The following GALNT18 variants were observed in gnomAD, a reference collection of about 807,000 sequenced individuals.
GALNT18 encodes the protein polypeptide N-acetylgalactosaminyltransferase 18, also known as GalNAc-transferase 18.
A neutral mutation model predicts 69.5 loss-of-function variants in GALNT18; 44 were observed. The observed-to-expected ratio is 0.63, with a 90% CI of 0.50 to 0.81. GALNT18 has a LOEUF of 0.81. Among genes scored for constraint, GALNT18 ranks in the 40% least tolerant of loss-of-function variants. The pLI, the probability that GALNT18 is intolerant of heterozygous loss-of-function variation, is 0.00. For synonymous variants in GALNT18, 364 were observed against 318.2 expected, an observed-to-expected ratio of 1.14 and a Z score of -1.53; for missense variants, 715 against 810.0, an observed-to-expected ratio of 0.88 and a Z score of 1.42.
Position 11,435,979 on chromosome 11 carries a change from C to T in GALNT18, c.429-3192G>A, listed in dbSNP as rs569786388. Among the ~76,000 whole-genome samples the T allele has an allele frequency of 2.0e-4, 31 of 152,336 alleles. No individual in the cohort carries two copies. The highest frequency in any genetic ancestry group is 1.3e-3 in the East Asian group (7 of 5,186). On this transcript the variant is annotated intron_variant, in intron 2 of 10. Coordinates refer to ENST00000227756, the MANE Select transcript of GALNT18 (RefSeq NM_198516.3). The surrounding 1 kb of genome is among the most constrained non-coding windows in gnomAD (Gnocchi z 4.4). ...TCCTGGGACTGCTGGGGCCTCCTGG[C>T]GACAGCCATGCTGCCGCTGTGGCCT...
At chr11:11,272,817 G>A (rs1460985249) in intron 10 of GALNT18, among the ~76,000 whole-genome samples, 2 of 152,128 alleles carry the variant, frequency 1.3e-5, no homozygotes, top group Non-Finnish European at 2.9e-5. Flanking sequence ...AGCTCACAGT[G>A]GGAAGTGCAC....
chr11:11,490,956 T>C lies in GALNT18; in HGVS notation c.236-42020A>G, dbSNP rs570495852. Among the ~76,000 whole-genome samples the C allele has an allele frequency of 1.1e-4, 16 of 152,286 alleles. 1 individual carries two copies. The South Asian group carries it at 2.1e-3, about 20-fold the overall frequency. On this transcript the variant is annotated intron_variant, in intron 1 of 10. Coordinates refer to ENST00000227756, the MANE Select transcript of GALNT18 (RefSeq NM_198516.3). ...GACCTGAAAGTCCAGTACCCAAAGG[T>C]GGGCTCTGGAAGATAGTGGAGGTGT...
intron 9 of GALNT18, among the ~76,000 whole-genome samples, chr11:11,310,708 G>A (rs1226341425): frequency 6.6e-6 from 1 of 152,150 alleles, no homozygotes; most frequent in Non-Finnish European, 1.5e-5. Flanking sequence ...TTAAGACAGT[G>A]CTAACCTCAA....
intron 10 of GALNT18, among the ~76,000 whole-genome samples, chr11:11,286,604 G>C (rs1346936077): frequency 1.3e-5 from 2 of 152,052 alleles, no homozygotes; most frequent in African/African-American, 2.4e-5. Flanking sequence ...ACACAGGGGG[G>C]ACTTTGGTTA....
Position 11,340,926 on chromosome 11 carries a change from T to C in GALNT18, c.1171A>G (p.Thr391Ala), listed in dbSNP as rs1179280314. Reference sequence around the variant, plus strand: ...CGGACATGGGCGGTGAGGTCCTCTGTGTAGGGCTTGTGGGCTCGCTCAATG... The same window carrying C: ...CGGACATGGGCGGTGAGGTCCTCTGCGTAGGGCTTGTGGGCTCGCTCAATG... The part of the protein sequence containing the change: ...AHIERAHKPY[T>A]EDLTAHVRRN... Residue 391 changes from threonine to alanine, a missense_variant, in exon 7 of 11, where the codon ACA (threonine) becomes GCA (alanine). Transcript: ENST00000227756. This position sits in a 1 kb window ranked among gnomAD's most constrained non-coding sequence, Gnocchi z 4.2. 6.2e-7 allele frequency: 1 copy of C among 1,613,948 alleles called. No homozygotes were observed. The highest frequency in any genetic ancestry group is 1.3e-5 in the African/African-American group (1 of 74,934).
At chr11:11,373,435 G>A (rs1850960249) in intron 5 of GALNT18, among the ~76,000 whole-genome samples, 1 of 152,238 alleles carries the variant, frequency 6.6e-6, no homozygotes, top group African/African-American at 2.4e-5. Flanking sequence ...TCTGGCTCAG[G>A]TGACAGTGGG....
At chr11:11,577,103 G>A (rs1383793244) in intron 1 of GALNT18, among the ~76,000 whole-genome samples, 1 of 152,206 alleles carries the variant, frequency 6.6e-6, no homozygotes, top group Non-Finnish European at 1.5e-5. Context: ...CCTCATCTGT[G>A]AAAGGGGGAT....
At position 11,602,878 on chromosome 11, in the gene GALNT18, T is replaced by G. The variant is rs1468538022; in HGVS notation, c.235+18481A>C. On this transcript the variant is annotated intron_variant, in intron 1 of 10. Transcript: ENST00000227756. The surrounding 1 kb of genome is among the most constrained non-coding windows in gnomAD (Gnocchi z 4.7). ...AAGGGTGTATGGTCTGGCAAGAGCTTTGTGCTGCTTCCAGGTACAGGAGTC... is the reference window on the plus strand; with the variant it reads ...AAGGGTGTATGGTCTGGCAAGAGCTGTGTGCTGCTTCCAGGTACAGGAGTC... Among the ~76,000 whole-genome samples the G allele has an allele frequency of 6.6e-6, 1 of 152,222 alleles. No individual in the cohort carries two copies. Among genetic ancestry groups the G allele is most frequent in the Non-Finnish European group, 1.5e-5 (1 of 68,034 alleles).
rs1009875279 is a variant in GALNT18, at chr11:11,387,841, C to A, written c.596-8577G>T. Among the ~76,000 whole-genome samples, 4 of 152,212 alleles carry A rather than the reference C, an allele frequency of 2.6e-5. No individual in the cohort carries two copies. The highest frequency in any genetic ancestry group is 5.9e-5 in the Non-Finnish European group (4 of 68,040). ...TGAGCCTGGCTTGGGCAGCTGGGAT[C>A]CCGGAGAGCTCCGGGCAGCATTGCT... is the stretch of plus-strand genomic sequence containing the variant. On this transcript the variant is annotated intron_variant, in intron 3 of 10. Coordinates refer to ENST00000227756, the MANE Select transcript of GALNT18 (RefSeq NM_198516.3). The surrounding 1 kb of genome is among the most constrained non-coding windows in gnomAD (Gnocchi z 4.6).
intron 3 of GALNT18, among the ~76,000 whole-genome samples, chr11:11,394,223 G>A (rs891034101): frequency 1.3e-5 from 2 of 152,154 alleles, no homozygotes; most frequent in Non-Finnish European, 2.9e-5. Flanking sequence ...GGATGAAGGG[G>A]CTTTCCTAGG....
At chr11:11,464,917 G>T (rs1353657399) in intron 1 of GALNT18, among the ~76,000 whole-genome samples, 2 of 152,180 alleles carry the variant, frequency 1.3e-5, no homozygotes, top group African/African-American at 4.8e-5. Context: ...ACATTCTATG[G>T]GCAACATAAA....
At chr11:11,335,473 C>T (rs1363244178) in intron 7 of GALNT18, among the ~76,000 whole-genome samples, 1 of 152,168 alleles carries the variant, frequency 6.6e-6, no homozygotes, top group African/African-American at 2.4e-5. Context: ...GTCACCTTGG[C>T]CCTTATTAGA....
intron 6 of GALNT18, among the ~76,000 whole-genome samples, chr11:11,368,412 C>T (rs1274348081): frequency 1.3e-5 from 2 of 152,280 alleles, no homozygotes; most frequent in East Asian, 1.9e-4. Flanking sequence ...CCTAACCCTC[C>T]ATACTGTTTT....
At chr11:11,452,684 G>A (rs1855830506) in intron 1 of GALNT18, among the ~76,000 whole-genome samples, 1 of 152,218 alleles carries the variant, frequency 6.6e-6, no homozygotes, top group South Asian at 2.1e-4. Flanking sequence ...AGGCAAAGAG[G>A]CCTCAGAGAA....
intron 1 of GALNT18, among the ~76,000 whole-genome samples, chr11:11,498,185 T>C (rs1856905426): frequency 6.6e-6 from 1 of 152,264 alleles, no homozygotes; most frequent in Admixed American, 6.5e-5. Context: ...TGCTAGTAAT[T>C]GACTTTTATC....
At chr11:11,462,460 TTTTTA>T (rs927830484) in intron 1 of GALNT18, among the ~76,000 whole-genome samples, 2 of 151,520 alleles carry the variant, frequency 1.3e-5, no homozygotes, top group Non-Finnish European at 2.9e-5. Flanking sequence ...ATTTATTTAT[TTTTTA>T]TTTTTTTAGT....
At position 11,541,572 on chromosome 11, in the gene GALNT18, A is replaced by G. The variant is rs1342820912; in HGVS notation, c.235+79787T>C. ...TCCAGTCTTAATCCATTAGTCTGACATATAAAGCCTTCCTGGGCTGGCACC... is the reference window on the plus strand; with the variant it reads ...TCCAGTCTTAATCCATTAGTCTGACGTATAAAGCCTTCCTGGGCTGGCACC... On this transcript the variant is annotated intron_variant, in intron 1 of 10. Coordinates refer to ENST00000227756, the MANE Select transcript of GALNT18 (RefSeq NM_198516.3). This position sits in a 1 kb window ranked among gnomAD's most constrained non-coding sequence, Gnocchi z 4.8. 2.0e-5 allele frequency among the ~76,000 whole-genome samples: 3 copies of G among 152,176 alleles called. No homozygotes were observed. In the East Asian group the frequency reaches 5.8e-4, roughly 29 times the overall value.
intron 3 of GALNT18, among the ~76,000 whole-genome samples, chr11:11,381,358 G>C (rs1336012284): frequency 1.3e-5 from 2 of 152,142 alleles, no homozygotes; most frequent in Admixed American, 6.5e-5. Context: ...CAAATGGCCT[G>C]ATACAAATCC....
intron 3 of GALNT18, among the ~76,000 whole-genome samples, chr11:11,405,096 G>C (rs560318845): frequency 1.2e-4 from 18 of 152,258 alleles, no homozygotes; most frequent in African/African-American, 4.1e-4. Context: ...ACACTTCTGT[G>C]CCTTGAGCCC....
Sources: gnomAD v4.1 joint callset for allele counts (sites outside exome capture counted in the v4.1 genomes callset) on GRCh38, gnomAD v4.1.1 for gene constraint, Gnocchi (gnomAD v3.1) non-coding constraint, MANE v1.5 for transcripts, NCBI Gene and HGNC (gene_info 2026-07-23, HGNC 2026-07-21) for gene names.